Variants in STYK1 observed in about 807,000 individuals in gnomAD.
STYK1 encodes the protein STY kinase 1.
A neutral mutation model predicts 48.1 loss-of-function variants in STYK1; 46 were observed. The observed-to-expected ratio is 0.96, with a 90% confidence interval of 0.75 to 1.22. The LOEUF is 1.22. Among genes scored for constraint, STYK1 ranks in the 50% most tolerant of loss-of-function variants. STYK1 has a pLI of 0.00. For missense variants in STYK1, 527 were observed against 521.1 expected, an observed-to-expected ratio of 1.01 and a Z score of -0.11; for synonymous variants, 188 against 189.0, an observed-to-expected ratio of 0.99 and a Z score of 0.04.
intron 3 of STYK1, 125 bp from the exon 4 acceptor site, chr12:10,634,249 C>T (rs1947461643): frequency 8.8e-7 from 1 of 1,133,876 alleles, no homozygotes; most frequent in East Asian, 2.4e-5. Context: ...CTACCATCTC[C>T]TCTACTTCCA....
intron 1 of STYK1, among the ~76,000 whole-genome samples, chr12:10,660,771 G>A (rs1947768596): frequency 6.6e-6 from 1 of 152,152 alleles, no homozygotes; most frequent in Non-Finnish European, 1.5e-5. Context: ...TGCCACCAGT[G>A]TCATGACAGT....
At chr12:10,662,572 T>C (rs1415229730) in intron 1 of STYK1, among the ~76,000 whole-genome samples, 1 of 148,858 alleles carries the variant, frequency 6.7e-6, no homozygotes, top group Non-Finnish European at 1.5e-5. Context: ...TATGAAATGA[T>C]ATCTCACTGT....
At chr12:10,668,293 G>A (rs1315455054) in intron 1 of STYK1, among the ~76,000 whole-genome samples, 1 of 151,882 alleles carries the variant, frequency 6.6e-6, no homozygotes, top group Non-Finnish European at 1.5e-5. Flanking sequence ...CAGGTCCCCC[G>A]GACTGAGAGA....
At position 10,634,004 on chromosome 12, in the gene STYK1, C is replaced by A. The variant is rs200398907; in HGVS notation, c.173G>T (p.Arg58Leu). 7 of 1,613,888 alleles carry A rather than the reference C, an allele frequency of 4.3e-6. No individual in the cohort carries two copies. The highest frequency in any genetic ancestry group is 5.9e-6 in the Non-Finnish European group (7 of 1,179,964). Residue 58 changes from arginine to leucine, a missense_variant, in exon 4 of 11, where the codon CGT becomes CTT. Transcript: ENST00000075503. ...FIREQRTQQQ[R>L]SGPQGIAPVP... ...TTGAGCTTTACCTTGAGGTCCAGAA[C>A]GCTGCTGTTGAGTTCTTTGTTCTCT... is the stretch of plus-strand genomic sequence containing the variant.
intron 1 of STYK1, among the ~76,000 whole-genome samples, chr12:10,643,004 G>C (rs187149117): frequency 3.3e-5 from 5 of 152,042 alleles, no homozygotes; most frequent in South Asian, 2.1e-4. Context: ...CAATTCTGAC[G>C]GGGGCATTAC....
Position 10,631,141 on chromosome 12 carries a change from G to T in STYK1, c.355C>A (p.Gln119Lys). ...PREQLSEVLE[Q>K]ICSGSCGPIF... is the part of the protein sequence containing the mutation. ...GGCCCACAGCTACCACTGCAAATCTGCTCCAGAACTTCAGAGAGTTGCTCC... is the reference window on the plus strand; with the variant it reads ...GGCCCACAGCTACCACTGCAAATCTTCTCCAGAACTTCAGAGAGTTGCTCC... Residue 119 changes from glutamine to lysine, a missense_variant, in exon 5 of 11, where the codon CAG becomes AAG. By Grantham distance (53) the Gln-to-Lys change is moderately conservative (BLOSUM62 1). Transcript: ENST00000075503. 1 of 1,614,206 alleles carries T rather than the reference G, an allele frequency of 6.2e-7. No individual in the cohort carries two copies. Among genetic ancestry groups the T allele is most frequent in the East Asian group, 2.2e-5 (1 of 44,892 alleles).
chr12:10,667,396 C>CT (rs1286231190), intron 1 of STYK1: 1 of 152,014 alleles, frequency 6.6e-6, no homozygotes, highest in African/African-American at 2.4e-5. Context: ...ATGAGGATCA[C>CT]TTGAGGCCAG....
At chr12:10,642,730 T>C (rs1348527905) in intron 1 of STYK1, among the ~76,000 whole-genome samples, 1 of 152,212 alleles carries the variant, frequency 6.6e-6, no homozygotes, top group Non-Finnish European at 1.5e-5. Context: ...TGTCATTTGA[T>C]AGCAGAAATA....
chr12:10,625,166 A>G (rs1432708645), intron 7 of STYK1, among the ~76,000 whole-genome samples: 1 of 152,186 alleles, frequency 6.6e-6, no homozygotes, highest in African/African-American at 2.4e-5. Flanking sequence ...GGACCCAGCT[A>G]GACACTGGAA....
Position 10,619,233 on chromosome 12 carries a change from G to A in STYK1, c.*911C>T, listed in dbSNP as rs1287544864. 1 of 152,070 alleles carries A rather than the reference G, an allele frequency of 6.6e-6. No homozygotes were observed. Among genetic ancestry groups the A allele is most frequent in the Non-Finnish European group, 1.5e-5 (1 of 68,012 alleles). The allele number at this position is 152,070 out of a possible 1,614,324, so 9.4% of individuals were successfully genotyped here. On this transcript the variant is annotated 3_prime_UTR_variant, in exon 11 of 11. Transcript: ENST00000075503. The stretch of plus-strand genomic sequence containing the variant: ...TAAGTTTCACAGTATATCAACAGAT[G>A]ATTGAAAATTAGAAGCTGCTATCCT...
At chr12:10,650,799 G>A (rs1486223720) in intron 1 of STYK1, among the ~76,000 whole-genome samples, 3 of 151,914 alleles carry the variant, frequency 2.0e-5, no homozygotes, top group South Asian at 2.1e-4. Flanking sequence ...TTAGGAGTTC[G>A]AGACCAGCCT....
chr12:10,631,259 A>T lies in STYK1; in HGVS notation c.237T>A (p.His79Gln), dbSNP rs1947425593. Residue 79 changes from histidine to glutamine, a missense_variant, in exon 5 of 11, where the codon CAT (histidine) becomes CAA (glutamine). Coordinates refer to ENST00000075503, the MANE Select transcript of STYK1 (RefSeq NM_018423.3). ...TAAGTGGCAAAGCCACATTTCCTCC[A>T]TGTCCTGCTTCCCAGCTTAGGTCCC... is the stretch of plus-strand genomic sequence containing the variant. ...PPRDLSWEAG[H>Q]GGNVALPLKE... The T allele has an allele frequency of 1.2e-6, 2 of 1,614,072 alleles. No individual in the cohort carries two copies. The highest frequency in any genetic ancestry group is 2.7e-5 in the African/African-American group (2 of 74,920).
chr12:10,655,724 G>T (rs977502782), intron 1 of STYK1, among the ~76,000 whole-genome samples: 1 of 152,140 alleles, frequency 6.6e-6, no homozygotes, highest in Non-Finnish European at 1.5e-5. Flanking sequence ...CTTAGTGAAA[G>T]CTTACTGGTT....
At chr12:10,625,558 A>G (rs1947349987) in intron 7 of STYK1, among the ~76,000 whole-genome samples, 1 of 152,182 alleles carries the variant, frequency 6.6e-6, no homozygotes, top group Non-Finnish European at 1.5e-5. Flanking sequence ...ACAATGTAAT[A>G]CGTACCAAAA....
chr12:10,635,018 C>T (rs890454497), intron 2 of STYK1, among the ~76,000 whole-genome samples: 1 of 152,192 alleles, frequency 6.6e-6, no homozygotes, highest in African/African-American at 2.4e-5. Flanking sequence ...TTCAAAACAT[C>T]CATCTGAACT....
chr12:10,643,883 C>G (rs924466500), intron 1 of STYK1, among the ~76,000 whole-genome samples: 2 of 152,114 alleles, frequency 1.3e-5, no homozygotes, highest in Non-Finnish European at 2.9e-5. Context: ...TCATAATGAG[C>G]CTTTAGGCCA....
intron 1 of STYK1, among the ~76,000 whole-genome samples, chr12:10,638,221 C>A (rs923459744): frequency 2.0e-5 from 3 of 152,136 alleles, no homozygotes; most frequent in Non-Finnish European, 4.4e-5. Flanking sequence ...TTACATAATC[C>A]TATATCTACA....
intron 1 of STYK1, among the ~76,000 whole-genome samples, chr12:10,648,499 A>T (rs1160985652): frequency 6.6e-6 from 1 of 152,138 alleles, no homozygotes; most frequent in East Asian, 1.9e-4. Context: ...TGTTTAACAA[A>T]TATGGAAGCA....
At chr12:10,620,688 T>C (rs923358632) in intron 10 of STYK1, among the ~76,000 whole-genome samples, 2 of 152,164 alleles carry the variant, frequency 1.3e-5, no homozygotes, top group African/African-American at 2.4e-5. Flanking sequence ...AATGAACACA[T>C]GTCATTTTTA....
Sources: gnomAD v4.1 joint callset for allele counts (sites outside exome capture counted in the v4.1 genomes callset) on GRCh38, gnomAD v4.1.1 for gene constraint, MANE v1.5 for transcripts, NCBI Gene and HGNC (gene_info 2026-07-23, HGNC 2026-07-21) for gene names.